The following RYR3 variants were observed in gnomAD, a reference collection of about 807,000 sequenced individuals.
RYR3 encodes brain ryanodine receptor-calcium release channel.
In RYR3, 207 loss-of-function variants were observed where a neutral mutation model predicts 584.3. The observed-to-expected ratio is 0.35, with a 90% CI of 0.32 to 0.40. The LOEUF is 0.40. Among genes scored for constraint, RYR3 ranks in the 10% least tolerant of loss-of-function variants. The pLI is 1.00. For missense variants in RYR3, 5,616 were observed against 6,089.2 expected, an observed-to-expected ratio of 0.92 and a Z score of 2.59; for synonymous variants, 2,416 against 2,248.5, an observed-to-expected ratio of 1.07 and a Z score of -2.11.
At chr15:33,834,883 AAGT>A in intron 86 of RYR3, 82 bp from the exon 87 acceptor site, 1 of 899,402 alleles carries the variant, frequency 1.1e-6, no homozygotes, top group Non-Finnish European at 1.8e-6. Context: ...CTGCTCATAT[AAGT>A]AGGTATCAGA....
chr15:33,698,253 C>T (rs1032491551), intron 40 of RYR3, among the ~76,000 whole-genome samples: 1 of 152,230 alleles, frequency 6.6e-6, no homozygotes, highest in Non-Finnish European at 1.5e-5. Context: ...GTTTACTTCC[C>T]GTATTCGGCA....
At chr15:33,719,164 G>C (rs554966072) in intron 43 of RYR3, among the ~76,000 whole-genome samples, 1 of 152,160 alleles carries the variant, frequency 6.6e-6, no homozygotes, top group Non-Finnish European at 1.5e-5. Context: ...CAGCTCCTTC[G>C]TCTTAGAGCG....
chr15:33,651,446 C>T (rs2062456719), intron 31 of RYR3, among the ~76,000 whole-genome samples: 1 of 152,236 alleles, frequency 6.6e-6, no homozygotes, highest in South Asian at 2.1e-4. Context: ...AGGGCATTCA[C>T]AGGAAGCGAG....
chr15:33,533,582 G>A (rs1367177352), intron 5 of RYR3, among the ~76,000 whole-genome samples, 193 bp downstream of exon 5: 2 of 152,136 alleles, frequency 1.3e-5, no homozygotes, highest in Non-Finnish European at 2.9e-5. Context: ...AAGAATGAAG[G>A]AGAACATAAT....
At chr15:33,813,656 C>T in intron 74 of RYR3, 77 bp downstream of exon 74, 1 of 1,150,136 alleles carries the variant, frequency 8.7e-7, no homozygotes, top group Non-Finnish European at 1.3e-6. Flanking sequence ...TGTGCTCTCT[C>T]ACTCTTAATC....
At chr15:33,795,577 A>G (rs2152924911) in intron 67 of RYR3, among the ~76,000 whole-genome samples, 1 of 151,834 alleles carries the variant, frequency 6.6e-6, no homozygotes, top group South Asian at 2.1e-4. Context: ...TATTTTTAGT[A>G]GAGACAGGGT....
chr15:33,524,279 G>A (rs567627222), intron 3 of RYR3, among the ~76,000 whole-genome samples: 26 of 152,266 alleles, frequency 1.7e-4, no homozygotes, highest in African/African-American at 5.8e-4. Context: ...AATACTTGAA[G>A]GTATTTTGTT....
intron 1 of RYR3, among the ~76,000 whole-genome samples, chr15:33,398,430 A>G (rs1214116686): frequency 6.6e-6 from 1 of 152,226 alleles, no homozygotes; most frequent in African/African-American, 2.4e-5. Flanking sequence ...GTGTTCGGCA[A>G]CTTCACAGTC....
At chr15:33,435,733 T>C (rs149077552) in intron 1 of RYR3, among the ~76,000 whole-genome samples, 4 of 152,308 alleles carry the variant, frequency 2.6e-5, no homozygotes, top group Admixed American at 2.0e-4. Context: ...CTGGTCTCAC[T>C]GACTTCAGAG....
Position 33,838,963 on chromosome 15 carries a change from G to C in RYR3, c.12978+5G>C. The C allele has an allele frequency of 6.3e-7, 1 of 1,598,078 alleles. No individual in the cohort carries two copies. Among genetic ancestry groups the C allele is most frequent in the South Asian group, 1.1e-5 (1 of 88,274 alleles). On this transcript the variant is annotated splice_donor_5th_base_variant and intron_variant, in intron 89 of 103. Transcript: ENST00000634891. Reference sequence around the variant, plus strand: ...CAGAAGAAGAGGAAAGCTCAGGTAAGTGTCATTTGTTTCTTTCATCTTCCT... The same window carrying C: ...CAGAAGAAGAGGAAAGCTCAGGTAACTGTCATTTGTTTCTTTCATCTTCCT...
intron 16 of RYR3, among the ~76,000 whole-genome samples, chr15:33,597,039 A>G (rs1436349448): frequency 1.3e-5 from 2 of 152,206 alleles, no homozygotes; most frequent in Non-Finnish European, 2.9e-5. Flanking sequence ...AAGCCACCGG[A>G]TTAGAAGTTA....
At chr15:33,837,481 T>C in intron 88 of RYR3, 150 bp from the exon 89 acceptor site, 1 of 821,502 alleles carries the variant, frequency 1.2e-6, no homozygotes, top group Non-Finnish European at 1.8e-6. Flanking sequence ...GTGTAGTCTT[T>C]ATGGCTTGCT....
At chr15:33,636,907 T>C (rs1376916439) in intron 27 of RYR3, among the ~76,000 whole-genome samples, 1 of 152,240 alleles carries the variant, frequency 6.6e-6, no homozygotes, top group Non-Finnish European at 1.5e-5. Flanking sequence ...AATCAGTGAA[T>C]TAAAGAATTA....
chr15:33,808,736 G>A (rs549176405), intron 70 of RYR3, among the ~76,000 whole-genome samples: 1 of 152,304 alleles, frequency 6.6e-6, no homozygotes, highest in Non-Finnish European at 1.5e-5. Flanking sequence ...GTTGGCACAC[G>A]CTCAGTCTGT....
chr15:33,639,141 C>T (rs147763846), intron 27 of RYR3, among the ~76,000 whole-genome samples: 65 of 152,230 alleles, frequency 4.3e-4, no homozygotes, highest in South Asian at 8.3e-4. Context: ...GAGCATAACC[C>T]GGCTTTGAGA....
chr15:33,744,546 G>A (rs1014890684), intron 52 of RYR3, among the ~76,000 whole-genome samples: 5 of 152,190 alleles, frequency 3.3e-5, no homozygotes, highest in African/African-American at 1.2e-4. Flanking sequence ...GCTATGGTGA[G>A]CATGAGCACA....
At chr15:33,648,958 G>GA (rs112518422) in intron 30 of RYR3, 114 bp from the exon 31 acceptor site, 688 of 1,035,098 alleles carry the variant, frequency 6.6e-4, no homozygotes, top group Middle Eastern at 1.7e-3. Flanking sequence ...CACTTTTCCA[G>GA]AAAAAAAAGG....
chr15:33,534,797 A>G (rs2055187362), intron 5 of RYR3, among the ~76,000 whole-genome samples: 1 of 152,230 alleles, frequency 6.6e-6, no homozygotes, highest in Admixed American at 6.5e-5. Context: ...GCAGGAGAAC[A>G]GCCGGCCTTG....
chr15:33,382,583 A>C (rs905054816), intron 1 of RYR3, among the ~76,000 whole-genome samples: 1 of 152,112 alleles, frequency 6.6e-6, no homozygotes, highest in South Asian at 2.1e-4. Context: ...TAGCCTCCTA[A>C]AGTGCTGGGA....
Sources: allele counts gnomAD v4.1 joint callset (sites outside exome capture counted in the v4.1 genomes callset), GRCh38; gene constraint gnomAD v4.1.1; transcripts MANE v1.5; gene names NCBI Gene and HGNC (gene_info 2026-07-23, HGNC 2026-07-21).